Variants in AZIN2 observed in about 807,000 individuals in gnomAD.
The protein encoded by AZIN2 is antizyme inhibitor 2.
AZIN2 carries 28 observed loss-of-function variants against 47.8 expected under a neutral mutation model. That is an observed-to-expected ratio of 0.59 (90% CI 0.43 to 0.80). The LOEUF is 0.80. AZIN2 is among the 30% of genes least tolerant of loss of function. The pLI is 0.00. For missense variants in AZIN2, 535 were observed against 582.5 expected, an observed-to-expected ratio of 0.92 and a Z score of 0.84; for synonymous variants, 221 against 239.4, an observed-to-expected ratio of 0.92 and a Z score of 0.71.
the AZIN2 span, chr1:33,142,886 T>G: frequency 2.0e-5 from 3 of 152,020 alleles, no homozygotes; most frequent in Non-Finnish European, 4.4e-5. Flanking sequence ...GACGTTTCCC[T>G]GCTCAAACAC....
chr1:33,152,254 C>T, the AZIN2 span, among the ~76,000 whole-genome samples: 1 of 152,142 alleles, frequency 6.6e-6, no homozygotes, highest in African/African-American at 2.4e-5. Context: ...AGCATGTGGC[C>T]CCAGAAAGCC....
At chr1:33,134,898 C>T in the AZIN2 span, among the ~76,000 whole-genome samples, 1 of 152,230 alleles carries the variant, frequency 6.6e-6, no homozygotes, top group Non-Finnish European at 1.5e-5. Flanking sequence ...CTGGCCTCAG[C>T]CTCACCAGCC....
At chr1:33,123,833 C>A (rs1644836923), downstream of AZIN2, among the ~76,000 whole-genome samples, 1 of 152,146 alleles carries the variant, frequency 6.6e-6, no homozygotes, top group Non-Finnish European at 1.5e-5. Flanking sequence ...CCCGTCTCTA[C>A]TAAAAATACA....
chr1:33,138,694 G>A, the AZIN2 span, among the ~76,000 whole-genome samples: 1 of 151,076 alleles, frequency 6.6e-6, no homozygotes, highest in Admixed American at 6.6e-5. Context: ...GCTAGCAGCA[G>A]TTATCTCTGG....
chr1:33,123,521 G>A (rs757667806), downstream of AZIN2, among the ~76,000 whole-genome samples: 4 of 152,186 alleles, frequency 2.6e-5, no homozygotes, highest in Non-Finnish European at 5.9e-5. Flanking sequence ...TGTACAATGT[G>A]GCTGATAACT....
chr1:33,164,085 A>G, the AZIN2 span: 1 of 152,292 alleles, frequency 6.6e-6, no homozygotes, highest in Non-Finnish European at 1.5e-5. Flanking sequence ...GAGGTACAGA[A>G]TCACCAGACA....
chr1:33,081,279 G>GT lies in AZIN2; in HGVS notation c.-420dup, dbSNP rs1164221942. The GT allele has an allele frequency of 2.0e-5, 3 of 152,932 alleles. No individual in the cohort carries two copies. In the East Asian group the frequency reaches 5.8e-4, roughly 29 times the overall value. The allele number at this position is 152,932 out of a possible 1,614,324, so 9.5% of individuals were successfully genotyped here. On this transcript the variant is annotated 5_prime_UTR_variant, in exon 1 of 12. It removes the in-frame stop codon of an upstream open reading frame in the 5' UTR. Transcript: ENST00000294517. The surrounding 1 kb of genome is among the most constrained non-coding windows in gnomAD (Gnocchi z 4.2). ...GGGGAGACCTATGGGCCGAAGCCGT[G>GT]TAAATGCGTTTTAAGGCGAGTGCGG... is the stretch of plus-strand genomic sequence containing the variant.
At chr1:33,147,346 A>C in the AZIN2 span, 1 of 1,614,218 alleles carries the variant, frequency 6.2e-7, no homozygotes, top group East Asian at 2.2e-5. This position sits in a 1 kb window ranked among gnomAD's most constrained non-coding sequence, Gnocchi z 8.1. Flanking sequence ...GTCATAGTCC[A>C]GGAAGACACC....
At chr1:33,097,545 C>T (rs1201010365) in intron 9 of AZIN2, among the ~76,000 whole-genome samples, 1 of 152,224 alleles carries the variant, frequency 6.6e-6, no homozygotes, top group East Asian at 1.9e-4. Flanking sequence ...CTGGGACCCT[C>T]ATGCAGGGGA....
intron 5 of AZIN2, among the ~76,000 whole-genome samples, chr1:33,091,124 C>T (rs1642501864): frequency 6.6e-6 from 1 of 152,182 alleles, no homozygotes; most frequent in Non-Finnish European, 1.5e-5. Context: ...GCTTGCGTAT[C>T]TTGGCGATTG....
chr1:33,153,720 G>A, the AZIN2 span, among the ~76,000 whole-genome samples: 1 of 152,228 alleles, frequency 6.6e-6, no homozygotes, highest in South Asian at 2.1e-4. Flanking sequence ...AGAGGAGGCA[G>A]TGACTTGTTC....
chr1:33,156,711 T>C, the AZIN2 span, among the ~76,000 whole-genome samples: 1 of 152,204 alleles, frequency 6.6e-6, no homozygotes, highest in South Asian at 2.1e-4. Flanking sequence ...ACCTTCCTTT[T>C]GTATTGCTGG....
In AZIN2 at chr1:33,120,829, T is replaced by C. The variant is rs2124680206; in HGVS notation, c.*647T>C. Reference sequence around the variant, plus strand: ...ACCCAGCTTAAGGCCTGGCCCAGAGTAGGGGCAATGGAGTATTTAACACAG... The same window carrying C: ...ACCCAGCTTAAGGCCTGGCCCAGAGCAGGGGCAATGGAGTATTTAACACAG... On this transcript the variant is annotated 3_prime_UTR_variant, in exon 12 of 12. Coordinates refer to ENST00000294517, the MANE Select transcript of AZIN2 (RefSeq NM_052998.4). Among the ~76,000 whole-genome samples, 1 of 152,158 alleles carries C rather than the reference T, an allele frequency of 6.6e-6. No individual in the cohort carries two copies. The highest frequency in any genetic ancestry group is 3.4e-3 in the Middle Eastern group (1 of 294).
the AZIN2 span, among the ~76,000 whole-genome samples, chr1:33,155,816 G>C: frequency 2.6e-5 from 4 of 152,058 alleles, no homozygotes; most frequent in South Asian, 6.2e-4. Flanking sequence ...TCTGCCCTTG[G>C]GGGGGATCTG....
rs1174478154 is a variant in AZIN2 at position 33,093,372 on chromosome 1, G to A, written c.543G>A (p.Leu181=). Residue 181 remains leucine (L), a synonymous_variant, in exon 7 of 12, where the codon CTG becomes CTA. Transcript: ENST00000294517. Reference sequence around the variant, plus strand: ...TGTCACTGAAATCCTGCAGACACCTGCTTGAAAATGCGAAGAAGCACCATG... The same window carrying A: ...TGTCACTGAAATCCTGCAGACACCTACTTGAAAATGCGAAGAAGCACCATG... The part of the protein sequence containing the change: ...FGVSLKSCRH[L]LENAKKHHVE... 6.2e-7 allele frequency: 1 copy of A among 1,614,002 alleles called. No individual in the cohort carries two copies. The highest frequency in any genetic ancestry group is 2.2e-5 in the East Asian group (1 of 44,884).
At chr1:33,143,466 G>T in the AZIN2 span, among the ~76,000 whole-genome samples, 1 of 152,076 alleles carries the variant, frequency 6.6e-6, no homozygotes, top group Non-Finnish European at 1.5e-5. Context: ...GGAGGGCTTG[G>T]GATACTCTAG....
the AZIN2 span, among the ~76,000 whole-genome samples, chr1:33,138,688 G>C: frequency 6.6e-6 from 1 of 151,542 alleles, no homozygotes; most frequent in African/African-American, 2.4e-5. Flanking sequence ...CAAAATGCTA[G>C]CAGCAGTTAT....
At position 33,120,947 on chromosome 1, in the gene AZIN2, G is replaced by A. The variant is rs1308904179; in HGVS notation, c.*765G>A. On this transcript the variant is annotated 3_prime_UTR_variant, in exon 12 of 12. Coordinates refer to ENST00000294517, the MANE Select transcript of AZIN2 (RefSeq NM_052998.4). ...GCACCCTTGCTCTCCCTGCAGGTTGGCAAGGCAGTCAGAGTAAAGCAGACA... is the reference window on the plus strand; with the variant it reads ...GCACCCTTGCTCTCCCTGCAGGTTGACAAGGCAGTCAGAGTAAAGCAGACA... Among the ~76,000 whole-genome samples, 2 of 152,238 alleles carry A rather than the reference G, an allele frequency of 1.3e-5. No homozygotes were observed. Among genetic ancestry groups the A allele is most frequent in the African/African-American group, 4.8e-5 (2 of 41,458 alleles).
intron 5 of AZIN2, among the ~76,000 whole-genome samples, chr1:33,089,039 C>A (rs1289086404): frequency 6.6e-6 from 1 of 152,148 alleles, no homozygotes; most frequent in African/African-American, 2.4e-5. Flanking sequence ...AATAGATGCT[C>A]AAAAATACCC....
Sources: gnomAD v4.1 joint callset for allele counts (sites outside exome capture counted in the v4.1 genomes callset) on GRCh38, gnomAD v4.1.1 for gene constraint, Gnocchi (gnomAD v3.1) non-coding constraint, MANE v1.5 for transcripts, NCBI Gene and HGNC (gene_info 2026-07-23, HGNC 2026-07-21) for gene names.